TMEM132B: variants seen among roughly 807,000 people sequenced by gnomAD.
TMEM132B encodes the protein transmembrane protein 132B.
In TMEM132B, 18 loss-of-function variants were observed where a neutral mutation model predicts 90.8. The ratio of observed to expected loss-of-function variants is 0.20; its 90% CI spans 0.14 to 0.29. The LOEUF (loss-of-function observed/expected upper bound fraction) is 0.29, where lower values mean the gene tolerates loss of function less well. TMEM132B is among the 10% of genes least tolerant of loss of function. The pLI, the probability that TMEM132B is intolerant of heterozygous loss-of-function variation, is 1.00. For synonymous variants in TMEM132B, 504 were observed against 523.3 expected, an observed-to-expected ratio of 0.96 and a Z score of 0.50; for missense variants, 1,096 against 1,326.8, an observed-to-expected ratio of 0.83 and a Z score of 2.70.
intron 5 of TMEM132B, among the ~76,000 whole-genome samples, chr12:125,603,707 C>A (rs1396372266): frequency 6.6e-6 from 1 of 152,056 alleles, no homozygotes; most frequent in African/African-American, 2.4e-5. Flanking sequence ...ACCCATCTGA[C>A]AAAGATCTAA....
chr12:125,504,280 C>T (rs977635962), intron 3 of TMEM132B, among the ~76,000 whole-genome samples: 1 of 152,148 alleles, frequency 6.6e-6, no homozygotes, highest in African/African-American at 2.4e-5. Flanking sequence ...GTGGGCTTCT[C>T]CCAACTCTGC....
In TMEM132B at chr12:125,519,702, T is replaced by G; in HGVS notation, c.1293+77T>G. ...ACATGATGCACTGTATAATCTGTTA[T>G]TTTCCACATACCTGATACACTGTTT... On this transcript the variant is annotated intron_variant, in intron 4 of 8. Coordinates refer to ENST00000682704, the MANE Select transcript of TMEM132B (RefSeq NM_001366854.1). 2.1e-6 allele frequency: 3 copies of G among 1,426,758 alleles called. No homozygotes were observed. The East Asian group carries it at 6.8e-5, about 32-fold the overall frequency. 88.4% of individuals were successfully genotyped at this position (1,426,758 alleles called of 1,614,324 possible).
intron 1 of TMEM132B, among the ~76,000 whole-genome samples, chr12:125,328,587 CCA>C (rs1450023091): frequency 6.6e-6 from 1 of 152,190 alleles, no homozygotes; most frequent in Non-Finnish European, 1.5e-5. Flanking sequence ...CCCCATCACT[CCA>C]GTCTCTCACT....
chr12:125,298,612 T>C (rs1385940992), intron 1 of TMEM132B, among the ~76,000 whole-genome samples: 1 of 138,260 alleles, frequency 7.2e-6, no homozygotes, highest in African/African-American at 2.7e-5. Context: ...AGGCAGAGTT[T>C]GCAGTGAGCC....
chr12:125,320,430 G>A (rs750049125), intron 1 of TMEM132B, among the ~76,000 whole-genome samples: 2 of 152,126 alleles, frequency 1.3e-5, no homozygotes, highest in African/African-American at 4.8e-5. Flanking sequence ...TCAGGGAGGG[G>A]GATTACTTTA....
chr12:125,549,844 G>T (rs1411398631), intron 4 of TMEM132B, among the ~76,000 whole-genome samples: 1 of 152,186 alleles, frequency 6.6e-6, no homozygotes, highest in East Asian at 1.9e-4. Context: ...CAGACATTGT[G>T]CTGTGAGGTA....
chr12:125,460,284 A>C lies in TMEM132B; in HGVS notation c.1106+44607A>C, dbSNP rs189800231. The stretch of plus-strand genomic sequence containing the variant: ...GGTGGGTGGATCACCTGAGGTCAGG[A>C]GTTTGAGACCAGCCTGCCCAACATG... On this transcript the variant is annotated intron_variant, in intron 3 of 8. Coordinates refer to ENST00000682704, the MANE Select transcript of TMEM132B (RefSeq NM_001366854.1). This position sits in a 1 kb window ranked among gnomAD's most constrained non-coding sequence, Gnocchi z 4.4. 7.6e-4 allele frequency among the ~76,000 whole-genome samples: 116 copies of C among 152,276 alleles called. 3 individuals carry two copies. In the East Asian group the frequency reaches 0.021, roughly 28 times the overall value.
chr12:125,519,856 A>G (rs1285877445), intron 4 of TMEM132B, among the ~76,000 whole-genome samples: 1 of 151,942 alleles, frequency 6.6e-6, no homozygotes, highest in Non-Finnish European at 1.5e-5. Flanking sequence ...TTTCCTGGGG[A>G]GCCCTTATTC....
chr12:125,226,442 C>T (rs1873683250), intron 1 of TMEM132B, among the ~76,000 whole-genome samples: 1 of 152,246 alleles, frequency 6.6e-6, no homozygotes, highest in Non-Finnish European at 1.5e-5. Flanking sequence ...TTAATCTTCA[C>T]ACAGCAATCC....
chr12:125,254,289 A>G (rs998195028), intron 1 of TMEM132B, among the ~76,000 whole-genome samples: 1 of 149,590 alleles, frequency 6.7e-6, no homozygotes, highest in African/African-American at 2.5e-5. Context: ...TCAAAAAAAG[A>G]AAAAAAAAAG....
At chr12:125,188,315 G>A (rs1293619429) in intron 1 of TMEM132B, among the ~76,000 whole-genome samples, 1 of 152,218 alleles carries the variant, frequency 6.6e-6, no homozygotes, top group Admixed American at 6.5e-5. Flanking sequence ...GTCCACGAGA[G>A]GGGCTGCTGC....
intron 1 of TMEM132B, among the ~76,000 whole-genome samples, chr12:125,333,404 G>A (rs7977046): frequency 2.6e-5 from 4 of 152,136 alleles, no homozygotes; most frequent in Admixed American, 6.5e-5. Context: ...ATATCTTTTT[G>A]GGGGGACATT....
intron 3 of TMEM132B, among the ~76,000 whole-genome samples, chr12:125,518,839 T>C (rs1032821558): frequency 6.6e-6 from 1 of 152,218 alleles, no homozygotes; most frequent in Non-Finnish European, 1.5e-5. Context: ...AGAAGTCCAG[T>C]GTAGTATCTT....
At chr12:125,568,314 G>T (rs2136820621) in intron 4 of TMEM132B, among the ~76,000 whole-genome samples, 1 of 152,210 alleles carries the variant, frequency 6.6e-6, no homozygotes, top group East Asian at 1.9e-4. Context: ...TTTTGATACA[G>T]GCATGCAATG....
At chr12:125,416,190 A>T (rs1259575460) in intron 3 of TMEM132B, among the ~76,000 whole-genome samples, 1 of 152,220 alleles carries the variant, frequency 6.6e-6, no homozygotes, top group Non-Finnish European at 1.5e-5. Flanking sequence ...GGACCCAGAG[A>T]GAGGTGATCA....
At chr12:125,421,159 A>G (rs1566030929) in intron 3 of TMEM132B, among the ~76,000 whole-genome samples, 1 of 151,924 alleles carries the variant, frequency 6.6e-6, no homozygotes, top group Non-Finnish European at 1.5e-5. Flanking sequence ...AACTGTTCCA[A>G]CCTCTGCCTG....
chr12:125,634,926 C>T (rs1276417897), intron 5 of TMEM132B, among the ~76,000 whole-genome samples: 3 of 152,152 alleles, frequency 2.0e-5, no homozygotes, highest in Non-Finnish European at 4.4e-5. Flanking sequence ...GCTGCCCCAG[C>T]TGGTATCTCA....
chr12:125,478,120 A>T (rs1010510453), intron 3 of TMEM132B, among the ~76,000 whole-genome samples: 2 of 152,232 alleles, frequency 1.3e-5, no homozygotes, highest in Non-Finnish European at 2.9e-5. Flanking sequence ...GGTCACCATC[A>T]TCAAAGACCA....
At chr12:125,565,485 T>C (rs1884638602) in intron 4 of TMEM132B, among the ~76,000 whole-genome samples, 1 of 152,220 alleles carries the variant, frequency 6.6e-6, no homozygotes, top group Non-Finnish European at 1.5e-5. Context: ...ACCAGCTCAA[T>C]GTCCCCTTGG....
Sources: allele counts gnomAD v4.1 joint callset (sites outside exome capture counted in the v4.1 genomes callset), GRCh38; gene constraint gnomAD v4.1.1; non-coding constraint Gnocchi (gnomAD v3.1); transcripts MANE v1.5; gene names NCBI Gene and HGNC (gene_info 2026-07-23, HGNC 2026-07-21).